FRMPD4: variants seen among roughly 807,000 people sequenced by gnomAD.
The protein encoded by FRMPD4 is FERM and PDZ domain-containing protein 4.
A neutral mutation model predicts 94.1 loss-of-function variants in FRMPD4; 22 were observed. That is an observed-to-expected ratio of 0.23 (90% CI 0.17 to 0.33). The LOEUF (loss-of-function observed/expected upper bound fraction) is 0.33. FRMPD4 is among the 10% of genes least tolerant of loss of function. The pLI is 1.00. For synonymous variants in FRMPD4, 631 were observed against 548.6 expected, an observed-to-expected ratio of 1.15 and a Z score of -2.10; for missense variants, 1,111 against 1,339.9, an observed-to-expected ratio of 0.83 and a Z score of 2.67.
At chrX:12,447,410 C>T (rs1215558822) in intron 1 of FRMPD4, among the ~76,000 whole-genome samples, 1 of 111,871 alleles carries the variant, frequency 8.9e-6, no homozygotes, top group East Asian at 2.8e-4. Flanking sequence ...CATTAAGAAT[C>T]ACCAGTCTAA....
intron 4 of FRMPD4, among the ~76,000 whole-genome samples, chrX:12,619,245 T>C (rs745568091): frequency 1.8e-5 from 2 of 112,311 alleles, no homozygotes; most frequent in Admixed American, 9.4e-5. Flanking sequence ...CTGTCAGACA[T>C]GTCACCCCTT....
intron 1 of FRMPD4, among the ~76,000 whole-genome samples, chrX:12,427,987 G>A (rs1170529080): frequency 2.3e-5 from 2 of 86,615 alleles, no homozygotes; most frequent in Non-Finnish European, 4.2e-5. Flanking sequence ...TCGGCTCACT[G>A]CAAGCTCCGC....
chrX:12,535,176 C>T (rs1421988691), intron 2 of FRMPD4, among the ~76,000 whole-genome samples: 1 of 111,790 alleles, frequency 8.9e-6, no homozygotes, highest in African/African-American at 3.3e-5. Flanking sequence ...TTGTCTGCTG[C>T]CATGTCTCTT....
chrX:12,696,633 A>G (rs1447834355), intron 9 of FRMPD4, among the ~76,000 whole-genome samples: 1 of 108,320 alleles, frequency 9.2e-6, no homozygotes, highest in Non-Finnish European at 1.9e-5. Context: ...GAATATCTGT[A>G]TAAGGCAAAG....
chrX:12,418,503 C>T (rs1355987390), intron 1 of FRMPD4, among the ~76,000 whole-genome samples: 3 of 108,532 alleles, frequency 2.8e-5, no homozygotes, highest in East Asian at 2.9e-4. Flanking sequence ...GGATTACAGG[C>T]GCGTGCCACC....
chrX:12,545,506 T>G (rs1250837012), intron 2 of FRMPD4, among the ~76,000 whole-genome samples: 1 of 112,860 alleles, frequency 8.9e-6, no homozygotes, highest in Admixed American at 9.4e-5. Context: ...GGATGGTTGG[T>G]GCCCTAGGGC....
At chrX:11,975,435 T>C (rs745372784) in intron 3 of FRMPD4, among the ~76,000 whole-genome samples, 53 of 112,261 alleles carry the variant, frequency 4.7e-4, no homozygotes, top group African/African-American at 9.7e-5. Flanking sequence ...GTTTAAAACA[T>C]GTAGAACATC....
intron 1 of FRMPD4, among the ~76,000 whole-genome samples, chrX:12,323,044 G>A (rs1452632319): frequency 9.0e-6 from 1 of 111,630 alleles, no homozygotes; most frequent in Non-Finnish European, 1.9e-5. Context: ...GAAGTGTATT[G>A]CTATGTGGTA....
intron 1 of FRMPD4, among the ~76,000 whole-genome samples, chrX:12,223,823 T>C (rs2056895037): frequency 8.9e-6 from 1 of 112,338 alleles, no homozygotes; most frequent in African/African-American, 3.2e-5. Context: ...GCATCTTTTC[T>C]TGTGCTTACT....
intron 8 of FRMPD4, among the ~76,000 whole-genome samples, chrX:12,692,578 TAA>T: frequency 8.9e-6 from 1 of 112,452 alleles, no homozygotes; most frequent in South Asian, 3.7e-4. Flanking sequence ...ATATACTACT[TAA>T]AGTTTCCAAG....
chrX:12,380,754 C>T (rs1433881818), intron 1 of FRMPD4, among the ~76,000 whole-genome samples: 1 of 112,009 alleles, frequency 8.9e-6, no homozygotes, highest in Non-Finnish European at 1.9e-5. Flanking sequence ...TTGATCAAAG[C>T]AATTGTGATA....
chrX:12,688,772 A>G (rs2060053562), intron 7 of FRMPD4, among the ~76,000 whole-genome samples: 1 of 106,888 alleles, frequency 9.4e-6, no homozygotes, highest in African/African-American at 3.5e-5. Context: ...TTGAAATTCA[A>G]CATAGTCAAG....
chrX:12,066,871 G>GT (rs201251837), intron 3 of FRMPD4, among the ~76,000 whole-genome samples: 1 of 100,083 alleles, frequency 1.0e-5, no homozygotes, highest in East Asian at 3.4e-4. Flanking sequence ...TTTTGTTTTT[G>GT]TTTTTGTTTT....
rs148739000 is a variant in FRMPD4, at chrX:12,428,266, T to C, written c.42-70414T>C. ...ATGTTATTCTCTGCCTAGCCAAGTATCACAGTATGATTATATTTCCTTTCT... is the reference window on the plus strand; with the variant it reads ...ATGTTATTCTCTGCCTAGCCAAGTACCACAGTATGATTATATTTCCTTTCT... On this transcript the variant is annotated intron_variant, in intron 1 of 16. Coordinates refer to ENST00000675598, the MANE Select transcript of FRMPD4 (RefSeq NM_001368397.1). Among the ~76,000 whole-genome samples, 136 of 111,731 alleles carry C rather than the reference T, an allele frequency of 1.2e-3. No individual in the cohort carries two copies. In the Middle Eastern group the frequency reaches 0.014, roughly 12 times the overall value.
chrX:12,521,563 G>A (rs2058162115), intron 2 of FRMPD4, among the ~76,000 whole-genome samples: 1 of 112,465 alleles, frequency 8.9e-6, no homozygotes, highest in South Asian at 3.6e-4. Flanking sequence ...GATTTATAGA[G>A]TTAGGTTTAA....
intron 1 of FRMPD4, among the ~76,000 whole-genome samples, chrX:12,409,827 G>C (rs954131284): frequency 9.0e-6 from 1 of 111,473 alleles, no homozygotes; most frequent in African/African-American, 3.3e-5. Flanking sequence ...GTTACTGTTC[G>C]TGGGGGTAGG....
At chrX:11,834,956 G>A in intron 1 of FRMPD4, among the ~76,000 whole-genome samples, 1 of 111,831 alleles carries the variant, frequency 8.9e-6, no homozygotes, top group Non-Finnish European at 1.9e-5. Context: ...TAAAATGTGA[G>A]AAAAGGAGAA....
intron 3 of FRMPD4, among the ~76,000 whole-genome samples, chrX:11,887,052 A>G (rs1601822770): frequency 1.8e-5 from 2 of 111,659 alleles, no homozygotes; most frequent in East Asian, 2.8e-4. Flanking sequence ...TTTCTCCACC[A>G]AGATATAGGT....
At position 12,688,960 on chromosome X, in the gene FRMPD4, T is replaced by C. The variant is rs767747717; in HGVS notation, c.682-1235T>C. On this transcript the variant is annotated intron_variant, in intron 7 of 16. Transcript: ENST00000675598. The stretch of plus-strand genomic sequence containing the variant: ...TCCGGATCTTGACACTGTTGAGATA[T>C]TGGGCCAAATCATTCTTTACTGTGG... Among the ~76,000 whole-genome samples, 22 of 110,235 alleles carry C rather than the reference T, an allele frequency of 2.0e-4. No individual in the cohort carries two copies. The East Asian group carries it at 4.0e-3, about 20-fold the overall frequency.
Sources: allele counts gnomAD v4.1 joint callset (sites outside exome capture counted in the v4.1 genomes callset), GRCh38; gene constraint gnomAD v4.1.1; transcripts MANE v1.5; gene names NCBI Gene and HGNC (gene_info 2026-07-23, HGNC 2026-07-21).